Variants in SUPT3H observed in about 807,000 individuals in gnomAD.
SUPT3H encodes the protein SPT3 homolog, SAGA and STAGA complex component, also known as transcription initiation protein SPT3 homolog.
SUPT3H carries 44 observed loss-of-function variants against 44.3 expected under a neutral mutation model. The ratio of observed to expected loss-of-function variants is 0.99; its 90% confidence interval spans 0.78 to 1.28. SUPT3H has a LOEUF of 1.28. Ranked by LOEUF, SUPT3H falls within the 50% of genes most tolerant of loss-of-function variation. SUPT3H has a pLI of 0.00. For synonymous variants in SUPT3H, 124 were observed against 125.6 expected, an observed-to-expected ratio of 0.99 and a Z score of 0.09; for missense variants, 380 against 387.1, an observed-to-expected ratio of 0.98 and a Z score of 0.15.
At chr6:45,038,520 G>A (rs899312577) in intron 3 of SUPT3H, among the ~76,000 whole-genome samples, 6 of 151,992 alleles carry the variant, frequency 3.9e-5, no homozygotes, top group East Asian at 1.9e-4. Flanking sequence ...CCACTTCATC[G>A]TACCTAGAAA....
intron 2 of SUPT3H, among the ~76,000 whole-genome samples, chr6:45,248,861 G>A (rs1024403641): frequency 2.0e-5 from 3 of 150,638 alleles, no homozygotes; most frequent in Non-Finnish European, 4.4e-5. Context: ...GTTGCAGTGA[G>A]CTGAAATCAC....
chr6:45,208,008 T>TC (rs1763462067), intron 2 of SUPT3H, among the ~76,000 whole-genome samples: 1 of 152,142 alleles, frequency 6.6e-6, no homozygotes, highest in South Asian at 2.1e-4. Flanking sequence ...GTCAACACAG[T>TC]CCAAAAGCTA....
chr6:45,255,182 T>C (rs143420288), intron 2 of SUPT3H, among the ~76,000 whole-genome samples: 14 of 151,944 alleles, frequency 9.2e-5, no homozygotes, highest in African/African-American at 3.4e-4. Flanking sequence ...ACTATATATA[T>C]AGAGAGAGAG....
chr6:45,107,800 G>T (rs149785466), intron 2 of SUPT3H, among the ~76,000 whole-genome samples: 1 of 152,076 alleles, frequency 6.6e-6, no homozygotes, highest in Non-Finnish European at 1.5e-5. Flanking sequence ...AGAGTGAGCA[G>T]GACCAACAAA....
intron 2 of SUPT3H, among the ~76,000 whole-genome samples, chr6:45,285,391 A>G (rs1779042841): frequency 6.6e-6 from 1 of 152,248 alleles, no homozygotes. Context: ...CAACTGCAGC[A>G]AAGTCTCAGG....
rs554708896 is a variant in SUPT3H, at chr6:45,272,928, T to C, written c.101+92273A>G. Among the ~76,000 whole-genome samples, 11 of 152,340 alleles carry C rather than the reference T, an allele frequency of 7.2e-5. No individual in the cohort carries two copies. The South Asian group carries it at 2.1e-3, about 29-fold the overall frequency. On this transcript the variant is annotated intron_variant, in intron 2 of 10. Transcript: ENST00000371459. Reference sequence around the variant, plus strand: ...GCTTTGCCTGGACCACTTTTACCTCTTGGTAGCCATGGTTTTTATTGTTCT... The same window carrying C: ...GCTTTGCCTGGACCACTTTTACCTCCTGGTAGCCATGGTTTTTATTGTTCT...
At chr6:45,027,218 T>C (rs556474037) in intron 3 of SUPT3H, among the ~76,000 whole-genome samples, 10 of 152,236 alleles carry the variant, frequency 6.6e-5, no homozygotes, top group African/African-American at 2.2e-4. Flanking sequence ...TGGGAACTTC[T>C]GGGCTCAAGT....
At chr6:44,830,094 AAAT>A (rs1165181796) in intron 10 of SUPT3H, among the ~76,000 whole-genome samples, 1 of 152,188 alleles carries the variant, frequency 6.6e-6, no homozygotes, top group Non-Finnish European at 1.5e-5. Flanking sequence ...CAGATACATA[AAAT>A]AAGACATCCC....
intron 3 of SUPT3H, among the ~76,000 whole-genome samples, chr6:45,075,989 G>T (rs1794959056): frequency 6.6e-6 from 1 of 151,836 alleles, no homozygotes; most frequent in African/African-American, 2.4e-5. Context: ...ATATTTAATG[G>T]CCTGTTACAT....
At chr6:45,340,714 C>G (rs1414793974) in intron 2 of SUPT3H, among the ~76,000 whole-genome samples, 2 of 152,018 alleles carry the variant, frequency 1.3e-5, no homozygotes, top group Non-Finnish European at 2.9e-5. Flanking sequence ...CCACAATACA[C>G]ATATATACTC....
intron 3 of SUPT3H, among the ~76,000 whole-genome samples, chr6:45,072,371 C>A (rs951445624): frequency 6.6e-6 from 1 of 152,066 alleles, no homozygotes; most frequent in Non-Finnish European, 1.5e-5. Flanking sequence ...TGGACCCTGA[C>A]CAGTGCCAGA....
At chr6:45,092,192 CTCCTACTCT>C (rs1797207485) in intron 3 of SUPT3H, among the ~76,000 whole-genome samples, 1 of 151,756 alleles carries the variant, frequency 6.6e-6, no homozygotes, top group Admixed American at 6.6e-5. Flanking sequence ...TTCCATTTTC[CTCCTACTCT>C]ACTGCAAAAA....
intron 6 of SUPT3H, among the ~76,000 whole-genome samples, chr6:45,000,422 A>C (rs1781864608): frequency 6.6e-6 from 1 of 152,080 alleles, no homozygotes; most frequent in Non-Finnish European, 1.5e-5. Flanking sequence ...CAACTTCTAC[A>C]GGCATCCACC....
At chr6:45,175,814 G>C (rs1218132825) in intron 2 of SUPT3H, among the ~76,000 whole-genome samples, 2 of 152,112 alleles carry the variant, frequency 1.3e-5, no homozygotes, top group African/African-American at 4.8e-5. Flanking sequence ...AGCTTATACT[G>C]AGAAACAGAT....
intron 2 of SUPT3H, among the ~76,000 whole-genome samples, chr6:45,275,492 C>T (rs1035169557): frequency 9.9e-5 from 15 of 152,200 alleles, no homozygotes; most frequent in East Asian, 5.8e-4. Context: ...TAAAGTATCA[C>T]GTCTTGAAAG....
chr6:45,197,683 TAA>T (rs777602306), intron 2 of SUPT3H: 45 of 318,178 alleles, frequency 1.4e-4, no homozygotes, highest in Admixed American at 2.8e-4. Flanking sequence ...AATAAGAAGA[TAA>T]AGAGTGAAAA....
chr6:45,208,596 C>T (rs368000841), intron 2 of SUPT3H, among the ~76,000 whole-genome samples: 7 of 151,952 alleles, frequency 4.6e-5, no homozygotes, highest in Non-Finnish European at 1.0e-4. Flanking sequence ...TGGTGGTGTG[C>T]ACCTGTAGTC....
chr6:44,853,533 G>A (rs1773237225), intron 10 of SUPT3H, among the ~76,000 whole-genome samples: 1 of 152,130 alleles, frequency 6.6e-6, no homozygotes, highest in Non-Finnish European at 1.5e-5. Context: ...AAGTACATGT[G>A]TACAGGAGGA....
intron 2 of SUPT3H, among the ~76,000 whole-genome samples, chr6:45,145,137 C>T (rs1805833839): frequency 1.3e-5 from 2 of 151,962 alleles, no homozygotes; most frequent in Admixed American, 1.3e-4. Flanking sequence ...AAAATACCAA[C>T]ATCATTTTTC....
Sources: allele counts gnomAD v4.1 joint callset (sites outside exome capture counted in the v4.1 genomes callset), GRCh38; gene constraint gnomAD v4.1.1; transcripts MANE v1.5; gene names NCBI Gene and HGNC (gene_info 2026-07-23, HGNC 2026-07-21).